CLIP4: variants seen among roughly 807,000 people sequenced by gnomAD.
CLIP4 encodes CAP-Gly domain containing linker protein family member 4, also known as CAP-Gly domain-containing linker protein 4.
CLIP4 carries 47 observed loss-of-function variants against 73.1 expected under a neutral mutation model. The ratio of observed to expected loss-of-function variants is 0.64; its 90% confidence interval spans 0.51 to 0.82. The LOEUF (loss-of-function observed/expected upper bound fraction) is 0.82. CLIP4 is among the 40% of genes least tolerant of loss of function. The pLI, the probability that CLIP4 is intolerant of heterozygous loss-of-function variation, is 0.00. For synonymous variants in CLIP4, 306 were observed against 295.4 expected, an observed-to-expected ratio of 1.04 and a Z score of -0.37; for missense variants, 874 against 852.9, an observed-to-expected ratio of 1.02 and a Z score of -0.31.
At chr2:29,178,425 C>T (rs933663106) in intron 15 of CLIP4, among the ~76,000 whole-genome samples, 1 of 152,162 alleles carries the variant, frequency 6.6e-6, no homozygotes, top group Non-Finnish European at 1.5e-5. Flanking sequence ...AGGTGATCCA[C>T]CTGCCTCAGC....
At chr2:29,138,643 A>G (rs1296355506) in intron 6 of CLIP4, among the ~76,000 whole-genome samples, 1 of 152,272 alleles carries the variant, frequency 6.6e-6, no homozygotes, top group South Asian at 2.1e-4. Flanking sequence ...GTCCATGAGC[A>G]TGGAGTGTTT....
intron 9 of CLIP4, among the ~76,000 whole-genome samples, chr2:29,154,091 C>T (rs898882202): frequency 2.0e-5 from 3 of 152,092 alleles, no homozygotes; most frequent in African/African-American, 7.2e-5. Context: ...TTGAAAATAT[C>T]CCAACAAAAT....
chr2:29,137,952 G>C (rs1045638421), intron 6 of CLIP4, among the ~76,000 whole-genome samples: 1 of 152,030 alleles, frequency 6.6e-6, no homozygotes, highest in Non-Finnish European at 1.5e-5. Context: ...CCATTCTGTA[G>C]GTTGTCTGTT....
intron 6 of CLIP4, among the ~76,000 whole-genome samples, chr2:29,140,201 G>T (rs896314674): frequency 6.6e-6 from 1 of 152,042 alleles, no homozygotes; most frequent in Non-Finnish European, 1.5e-5. Context: ...TTAGCATTAG[G>T]TATATCTCCT....
chr2:29,169,145 C>T (rs1667832824), intron 14 of CLIP4, among the ~76,000 whole-genome samples: 1 of 152,044 alleles, frequency 6.6e-6, no homozygotes. Flanking sequence ...GTATTAGTTG[C>T]TAGGGATGCT....
At chr2:29,158,370 CT>C (rs11297703) in intron 11 of CLIP4, among the ~76,000 whole-genome samples, 115,276 of 149,968 alleles carry the variant, frequency 0.77, 44,975 homozygotes, top group East Asian at 0.87. Flanking sequence ...TATGGAATTA[CT>C]TTTTTTTTTT....
In CLIP4 at chr2:29,129,439, A is replaced by G. The variant is rs539168856; in HGVS notation, c.134-1819A>G. 3.0e-4 allele frequency among the ~76,000 whole-genome samples: 45 copies of G among 151,962 alleles called. No individual in the cohort carries two copies. The South Asian group carries it at 9.2e-3, about 31-fold the overall frequency. ...TCTATTGAACATACATAGCTATAAG[A>G]TCTCTGTGTCTGTTTGTGTATACAG... On this transcript the variant is annotated intron_variant, in intron 2 of 15. Coordinates refer to ENST00000320081, the MANE Select transcript of CLIP4 (RefSeq NM_024692.6).
intron 9 of CLIP4, among the ~76,000 whole-genome samples, chr2:29,155,994 C>T (rs1238942912): frequency 3.3e-5 from 5 of 152,218 alleles, no homozygotes; most frequent in Non-Finnish European, 7.3e-5. Context: ...AGCCAAGCTA[C>T]TCACTATTTT....
intron 15 of CLIP4, among the ~76,000 whole-genome samples, chr2:29,175,907 GC>G: frequency 6.6e-6 from 1 of 151,996 alleles, no homozygotes; most frequent in South Asian, 2.1e-4. Context: ...GACTACAGGC[GC>G]CCGCCACCAC....
chr2:29,129,999 CAT>C (rs113937435), intron 2 of CLIP4: 8 of 471,086 alleles, frequency 1.7e-5, no homozygotes, highest in African/African-American at 8.0e-5. Flanking sequence ...CACAGGGAAT[CAT>C]GTGTTTCACC....
chr2:29,133,049 A>G (rs1046894307), intron 4 of CLIP4, among the ~76,000 whole-genome samples: 1 of 152,030 alleles, frequency 6.6e-6, no homozygotes, highest in African/African-American at 2.4e-5. Context: ...TTAGCCAACC[A>G]TGGTGGTGCA....
chr2:29,178,182 AT>A (rs755505721), intron 15 of CLIP4, among the ~76,000 whole-genome samples: 452 of 144,414 alleles, frequency 3.1e-3, no homozygotes, highest in Middle Eastern at 3.5e-3. Flanking sequence ...ATGTGTCTGA[AT>A]TTTTTTTTTT....
intron 8 of CLIP4, among the ~76,000 whole-genome samples, chr2:29,151,003 T>C (rs536304003): frequency 6.6e-6 from 1 of 152,330 alleles, no homozygotes; most frequent in African/African-American, 2.4e-5. Context: ...TTTATGGATA[T>C]AGTGAATTCA....
At chr2:29,147,598 G>C (rs1275554307) in intron 8 of CLIP4, among the ~76,000 whole-genome samples, 2 of 151,538 alleles carry the variant, frequency 1.3e-5, no homozygotes, top group Admixed American at 1.3e-4. Flanking sequence ...ACAAATAATT[G>C]TACCTATTTA....
intron 11 of CLIP4, 147 bp downstream of exon 11, chr2:29,157,494 C>A: frequency 8.3e-7 from 1 of 1,201,678 alleles, no homozygotes; most frequent in Non-Finnish European, 1.2e-6. Context: ...TCCCCCGAAC[C>A]TTAAGCCTTA....
rs770201570 is a variant in CLIP4, at chr2:29,133,685, C to T, written c.398C>T (p.Thr133Ile). Residue 133 changes from threonine (T) to isoleucine (I), a missense_variant, in exon 5 of 16, where the codon ACT becomes ATT. Physicochemically the swap from Thr to Ile is moderately conservative, Grantham distance 89. Transcript: ENST00000320081. Reference sequence around the variant, plus strand: ...GTGGAAACAGCTGTAAAATTTGCAACTCAGCTTATTGACCTGGGAGCAGAC... The same window carrying T: ...GTGGAAACAGCTGTAAAATTTGCAATTCAGCTTATTGACCTGGGAGCAGAC... ...GDVETAVKFA[T>I]QLIDLGADIS... The T allele has an allele frequency of 4.3e-6, 7 of 1,612,086 alleles. No individual in the cohort carries two copies. The highest frequency in any genetic ancestry group is 5.9e-6 in the Non-Finnish European group (7 of 1,179,438).
At position 29,143,767 on chromosome 2, in the gene CLIP4, A is replaced by C. The variant is rs1665951312; in HGVS notation, c.707A>C (p.Glu236Ala). ...CCAGACCCAGTAGATATGCCGTTAG[A>C]GATGGCTGACGCCGCAGCCACTGCT... ...VVPDPVDMPL[E>A]MADAAATAKE... The change falls in exon 7 of 16, where the codon GAG (glutamate) becomes GCG (alanine). Residue 236 changes from glutamate to alanine, a missense_variant. By Grantham distance (107) the Glu-to-Ala change is moderately radical. Transcript: ENST00000320081. 1.2e-6 allele frequency: 2 copies of C among 1,613,938 alleles called. No homozygotes were observed. The highest frequency in any genetic ancestry group is 1.7e-6 in the Non-Finnish European group (2 of 1,179,902).
chr2:29,106,579 T>G (rs191690520), intron 1 of CLIP4, among the ~76,000 whole-genome samples: 360 of 152,278 alleles, frequency 2.4e-3, no homozygotes, highest in African/African-American at 7.8e-3. Flanking sequence ...TTAAGTGACT[T>G]GCTAGGGTTG....
At position 29,182,010 on chromosome 2, in the gene CLIP4, A is replaced by G; in HGVS notation, c.*117A>G. On this transcript the variant is annotated 3_prime_UTR_variant, in exon 16 of 16. Transcript: ENST00000320081. ...ATTTTGAAAATATAGTTATCTTCTTAAAAACCATTATAACAATTCAGAGAG... is the reference window on the plus strand; with the variant it reads ...ATTTTGAAAATATAGTTATCTTCTTGAAAACCATTATAACAATTCAGAGAG... 2 of 793,810 alleles carry G rather than the reference A, an allele frequency of 2.5e-6. No homozygotes were observed. Among genetic ancestry groups the G allele is most frequent in the Non-Finnish European group, 3.8e-6 (2 of 521,298 alleles). The allele number at this position is 793,810 out of a possible 1,614,324, so 49.2% of individuals were successfully genotyped here.
Sources: allele counts gnomAD v4.1 joint callset (sites outside exome capture counted in the v4.1 genomes callset), GRCh38; gene constraint gnomAD v4.1.1; transcripts MANE v1.5; gene names NCBI Gene and HGNC (gene_info 2026-07-23, HGNC 2026-07-21).